Variants in VPS13B observed in about 807,000 individuals in gnomAD.
VPS13B encodes vacuolar protein sorting 13 homolog B.
In VPS13B, 285 loss-of-function variants were observed where a neutral mutation model predicts 426.4. The observed-to-expected ratio is 0.67, with a 90% CI of 0.61 to 0.74. VPS13B has a LOEUF of 0.74. VPS13B is among the 30% of genes least tolerant of loss of function. The pLI, the probability that VPS13B is intolerant of heterozygous loss-of-function variation, is 0.00. For synonymous variants in VPS13B, 1,676 were observed against 1,676.4 expected (o/e 1.00, Z 0.01); for missense variants, 4,537 against 4,782.6 (o/e 0.95, Z 1.51).
At chr8:99,591,163 C>CTT (rs1826646039) in intron 33 of VPS13B, among the ~76,000 whole-genome samples, 2 of 127,346 alleles carry the variant, frequency 1.6e-5, no homozygotes, top group African/African-American at 2.7e-5. Flanking sequence ...TGCAACCGCT[C>CTT]CTTTTTTTTT....
At chr8:99,577,119 A>T (rs1825816001) in intron 32 of VPS13B, among the ~76,000 whole-genome samples, 1 of 152,158 alleles carries the variant, frequency 6.6e-6, no homozygotes, top group Non-Finnish European at 1.5e-5. Context: ...AATGCTCAGT[A>T]AATATTAGTT....
chr8:99,808,533 G>T (rs978824650), intron 43 of VPS13B, among the ~76,000 whole-genome samples: 2 of 147,926 alleles, frequency 1.4e-5, no homozygotes, highest in African/African-American at 5.0e-5. Flanking sequence ...AAAAAAGTCA[G>T]TTGTCTTTCC....
At chr8:99,171,662 A>C (rs1588111484) in intron 16 of VPS13B, among the ~76,000 whole-genome samples, 1 of 152,006 alleles carries the variant, frequency 6.6e-6, no homozygotes, top group South Asian at 2.1e-4. Flanking sequence ...CAGAATGCCA[A>C]TATTTTTTGG....
chr8:99,361,116 G>T (rs1588292016), intron 19 of VPS13B, among the ~76,000 whole-genome samples: 1 of 152,132 alleles, frequency 6.6e-6, no homozygotes, highest in Admixed American at 6.5e-5. Context: ...GTAAAATGAA[G>T]ATAATACCTG....
In VPS13B at chr8:99,532,530, C is replaced by T. The variant is rs142346655; in HGVS notation, c.4745+11520C>T. Among the ~76,000 whole-genome samples, 335 of 152,116 alleles carry T rather than the reference C, an allele frequency of 2.2e-3. 4 individuals carry two copies. The highest frequency in any genetic ancestry group is 0.018 in the Admixed American group (268 of 15,284). ...TGATTCACTTTTCACCCTTAGAAGA[C>T]ATGTGTTAGTAAAATTCTTCCAGAA... On this transcript the variant is annotated intron_variant, in intron 30 of 61. Transcript: ENST00000357162.
chr8:99,234,308 T>G, intron 17 of VPS13B: 1 of 758,266 alleles, frequency 1.3e-6, no homozygotes, highest in Non-Finnish European at 2.5e-6. Context: ...TTGTTCCACA[T>G]TCTCCACTAT....
chr8:99,581,163 C>A (rs1255133917), intron 33 of VPS13B, among the ~76,000 whole-genome samples: 5 of 147,628 alleles, frequency 3.4e-5, no homozygotes, highest in Non-Finnish European at 6.0e-5. Flanking sequence ...AACCAGGTAA[C>A]AAAGTGAGAC....
intron 30 of VPS13B, among the ~76,000 whole-genome samples, chr8:99,534,549 A>C (rs1823094029): frequency 6.6e-6 from 1 of 152,176 alleles, no homozygotes; most frequent in Non-Finnish European, 1.5e-5. Flanking sequence ...ATATCTTACT[A>C]TAACCATTCC....
chr8:99,484,978 T>C (rs1254599692), intron 25 of VPS13B, among the ~76,000 whole-genome samples: 1 of 152,156 alleles, frequency 6.6e-6, no homozygotes, highest in East Asian at 1.9e-4. Flanking sequence ...AATTTCTATA[T>C]ACACAGGGTA....
chr8:99,648,494 A>G (rs919979747), intron 34 of VPS13B, among the ~76,000 whole-genome samples: 1 of 152,164 alleles, frequency 6.6e-6, no homozygotes, highest in Non-Finnish European at 1.5e-5. Context: ...ATATTTTTAA[A>G]TATTTTACTT....
At chr8:99,544,102 G>A (rs1232852454) in intron 30 of VPS13B, among the ~76,000 whole-genome samples, 7 of 150,558 alleles carry the variant, frequency 4.6e-5, no homozygotes, top group African/African-American at 1.7e-4. Flanking sequence ...AGAAAATGTG[G>A]CACATATACA....
At chr8:99,744,138 C>A (rs182409491) in intron 39 of VPS13B, among the ~76,000 whole-genome samples, 43 of 150,868 alleles carry the variant, frequency 2.9e-4, no homozygotes, top group Admixed American at 5.9e-4. Context: ...AGAAAAAAAA[C>A]CCATCAAAAA....
intron 54 of VPS13B, among the ~76,000 whole-genome samples, chr8:99,842,775 C>A (rs745689472): frequency 6.6e-6 from 1 of 152,012 alleles, no homozygotes; most frequent in Non-Finnish European, 1.5e-5. Context: ...TATTAAAATG[C>A]TTCTTGTTAG....
At chr8:99,606,503 A>AG (rs1827584117) in intron 33 of VPS13B, among the ~76,000 whole-genome samples, 1 of 149,370 alleles carries the variant, frequency 6.7e-6, no homozygotes, top group South Asian at 2.1e-4. Context: ...AGTTTCAAAA[A>AG]AAAAAAAAAA....
intron 3 of VPS13B, among the ~76,000 whole-genome samples, chr8:99,066,228 A>G (rs1035238081): frequency 1.3e-5 from 2 of 152,268 alleles, no homozygotes; most frequent in Non-Finnish European, 2.9e-5. Flanking sequence ...AGCTGGAGGT[A>G]TCACGCTACC....
intron 42 of VPS13B, among the ~76,000 whole-genome samples, chr8:99,781,284 T>G (rs917090779): frequency 1.5e-4 from 23 of 152,210 alleles, no homozygotes; most frequent in Admixed American, 2.6e-4. Flanking sequence ...CTATGTCACT[T>G]TCCCAGATTT....
intron 33 of VPS13B, among the ~76,000 whole-genome samples, chr8:99,596,272 A>ACTT (rs1481583748): frequency 1.3e-5 from 2 of 152,106 alleles, no homozygotes; most frequent in African/African-American, 4.8e-5. Context: ...AAGACGTGGT[A>ACTT]CTTCTGATTA....
In VPS13B at chr8:99,194,415, C is replaced by T. The variant is rs1279811634; in HGVS notation, c.2515+1358C>T. Among the ~76,000 whole-genome samples the T allele has an allele frequency of 3.3e-5, 5 of 152,270 alleles. No homozygotes were observed. The East Asian group carries it at 7.7e-4, about 24-fold the overall frequency. Reference sequence around the variant, plus strand: ...ACAGGATCTTCCTGTTACATACCCACCCCCACTCCATTCCGCCTACGTTTG... The same window carrying T: ...ACAGGATCTTCCTGTTACATACCCATCCCCACTCCATTCCGCCTACGTTTG... On this transcript the variant is annotated intron_variant, in intron 17 of 61. Coordinates refer to ENST00000357162, the MANE Select transcript of VPS13B (RefSeq NM_152564.5).
chr8:99,274,508 C>T (rs549915083), intron 18 of VPS13B, among the ~76,000 whole-genome samples, 176 bp downstream of exon 18: 13 of 151,824 alleles, frequency 8.6e-5, no homozygotes, highest in African/African-American at 2.9e-4. Flanking sequence ...TTGACTTTAA[C>T]AAATTTTTAT....
Sources: allele counts gnomAD v4.1 joint callset (sites outside exome capture counted in the v4.1 genomes callset), GRCh38; gene constraint gnomAD v4.1.1; transcripts MANE v1.5; gene names NCBI Gene and HGNC (gene_info 2026-07-23, HGNC 2026-07-21).